TMEM163: variants seen among roughly 807,000 people sequenced by gnomAD.
TMEM163 encodes the protein transmembrane protein 163.
Under a neutral mutation model 29.3 loss-of-function variants are expected in TMEM163, and 17 were observed. That is an observed-to-expected ratio of 0.58 (90% CI 0.40 to 0.87). The LOEUF (loss-of-function observed/expected upper bound fraction) is 0.87, where lower values mean the gene tolerates loss of function less well. Among genes scored for constraint, TMEM163 ranks in the 40% least tolerant of loss-of-function variants. The pLI is 0.00. For missense variants in TMEM163, 303 were observed against 381.5 expected (o/e 0.79, Z 1.71); for synonymous variants, 157 against 160.6 (o/e 0.98, Z 0.17).
intron 2 of TMEM163, among the ~76,000 whole-genome samples, chr2:134,598,839 G>T (rs112045209): frequency 0.043 from 6,494 of 151,388 alleles, 478 homozygotes; most frequent in African/African-American, 0.15. Context: ...ATAATTGCTT[G>T]AACCTGGGAG....
intron 5 of TMEM163, among the ~76,000 whole-genome samples, chr2:134,473,248 G>A (rs756832847): frequency 1.3e-5 from 2 of 152,134 alleles, no homozygotes; most frequent in African/African-American, 2.4e-5. Context: ...AGAAATCAAT[G>A]AGACAGACCA....
In TMEM163 at chr2:134,465,243, TACACAC is replaced by T. The variant is rs1319535040; in HGVS notation, c.667+865_667+870del. On this transcript the variant is annotated intron_variant, in intron 6 of 7. Transcript: ENST00000281924. ...AAATATATATATATACACACACACA[TACACAC>T]ACACGTGTGTATAACATAAAACATG... is the stretch of plus-strand genomic sequence containing the variant. 7.8e-5 allele frequency among the ~76,000 whole-genome samples: 11 copies of T among 141,354 alleles called. No homozygotes were observed. In the South Asian group the frequency reaches 2.2e-3, roughly 28 times the overall value. 92.7% of individuals were successfully genotyped at this position (141,354 alleles called of 152,430 possible).
chr2:134,572,627 A>G (rs1681458718), intron 2 of TMEM163, among the ~76,000 whole-genome samples: 1 of 152,196 alleles, frequency 6.6e-6, no homozygotes, highest in African/African-American at 2.4e-5. Flanking sequence ...TCCATCATCA[A>G]TAGGTCTAAA....
intron 2 of TMEM163, among the ~76,000 whole-genome samples, chr2:134,636,223 C>G (rs1372997363): frequency 1.3e-5 from 2 of 152,226 alleles, no homozygotes; most frequent in Non-Finnish European, 1.5e-5. Flanking sequence ...CATCACTGGG[C>G]TCAGGCTGGC....
chr2:134,529,911 C>T (rs1680383283), intron 4 of TMEM163, among the ~76,000 whole-genome samples: 1 of 151,828 alleles, frequency 6.6e-6, no homozygotes, highest in African/African-American at 2.4e-5. Flanking sequence ...AAGCTGGAGG[C>T]GTGGAAGGCT....
At position 134,678,057 on chromosome 2, in the gene TMEM163, C is replaced by T. The variant is rs368604090; in HGVS notation, c.322+35143G>A. ...TGCACTCTTTGTCCTGGTTTCTTTC[C>T]GGTCTCAGGGAAGCAGATCGACCCT... is the stretch of plus-strand genomic sequence containing the variant. On this transcript the variant is annotated intron_variant, in intron 2 of 7. Transcript: ENST00000281924. Among the ~76,000 whole-genome samples, 52 of 152,324 alleles carry T rather than the reference C, an allele frequency of 3.4e-4. No individual in the cohort carries two copies. In the South Asian group the frequency reaches 8.1e-3, roughly 24 times the overall value.
intron 5 of TMEM163, among the ~76,000 whole-genome samples, chr2:134,476,585 T>C (rs1686917332): frequency 6.6e-6 from 1 of 152,214 alleles, no homozygotes; most frequent in Non-Finnish European, 1.5e-5. Flanking sequence ...ATCATGTACA[T>C]AGTAATGTTC....
At chr2:134,536,629 G>A (rs1680545902) in intron 4 of TMEM163, among the ~76,000 whole-genome samples, 1 of 152,142 alleles carries the variant, frequency 6.6e-6, no homozygotes, top group Middle Eastern at 3.2e-3. Context: ...AACTGGAAGA[G>A]CGAAACCTCT....
chr2:134,712,504 A>G (rs1684947738), intron 2 of TMEM163, among the ~76,000 whole-genome samples: 1 of 152,020 alleles, frequency 6.6e-6, no homozygotes, highest in Non-Finnish European at 1.5e-5. Flanking sequence ...ACCAAGGTTG[A>G]GCTGTAACTG....
intron 2 of TMEM163, among the ~76,000 whole-genome samples, chr2:134,585,985 T>G (rs752067074): frequency 6.6e-6 from 1 of 152,186 alleles, no homozygotes; most frequent in Non-Finnish European, 1.5e-5. Context: ...GACTTAAGAC[T>G]TTTTGAAAGA....
At chr2:134,481,023 TAC>T (rs1252065127) in intron 5 of TMEM163, among the ~76,000 whole-genome samples, 1 of 152,178 alleles carries the variant, frequency 6.6e-6, no homozygotes, top group Non-Finnish European at 1.5e-5. Flanking sequence ...ACATTCTGAC[TAC>T]AATCACCATG....
rs183595128 is a variant in TMEM163 at position 134,628,502 on chromosome 2, C to T, written c.323-76411G>A. On this transcript the variant is annotated intron_variant, in intron 2 of 7. Transcript: ENST00000281924. Reference sequence around the variant, plus strand: ...CCAACAATGGGATATATGATTGACACCTAGTTTTGTTCTGAGGGACTGGAG... The same window carrying T: ...CCAACAATGGGATATATGATTGACATCTAGTTTTGTTCTGAGGGACTGGAG... 8.1e-4 allele frequency among the ~76,000 whole-genome samples: 124 copies of T among 152,344 alleles called. 1 individual carries two copies. Among genetic ancestry groups the T allele is most frequent in the Middle Eastern group, 3.4e-3 (1 of 294 alleles).
At chr2:134,535,725 T>G (rs202192682) in intron 4 of TMEM163, among the ~76,000 whole-genome samples, 3,110 of 145,980 alleles carry the variant, frequency 0.021, 53 homozygotes, top group South Asian at 0.04. Context: ...TGGTTTTTTT[T>G]TTTGTTTGTT....
At chr2:134,626,320 G>C (rs1269561107) in intron 2 of TMEM163, among the ~76,000 whole-genome samples, 2 of 151,970 alleles carry the variant, frequency 1.3e-5, no homozygotes, top group African/African-American at 2.4e-5. Flanking sequence ...GGCCAGGCTG[G>C]TCTCGAACTC....
intron 2 of TMEM163, among the ~76,000 whole-genome samples, chr2:134,697,555 C>T (rs1684609612): frequency 6.6e-6 from 1 of 151,534 alleles, no homozygotes; most frequent in African/African-American, 2.4e-5. Context: ...ACCTCCGCCT[C>T]CCGGGTTCAA....
chr2:134,457,426 C>T (rs941151917), intron 7 of TMEM163, among the ~76,000 whole-genome samples: 1 of 152,186 alleles, frequency 6.6e-6, no homozygotes, highest in Non-Finnish European at 1.5e-5. Context: ...GCAGTTGTCC[C>T]TCTTTTTGAT....
chr2:134,496,872 G>A (rs775313928), intron 5 of TMEM163, among the ~76,000 whole-genome samples: 9 of 151,772 alleles, frequency 5.9e-5, no homozygotes, highest in South Asian at 4.2e-4. Flanking sequence ...AGACTTCCAC[G>A]TAAACAGGAC....
At chr2:134,641,705 T>G (rs990281064) in intron 2 of TMEM163, among the ~76,000 whole-genome samples, 18 of 152,094 alleles carry the variant, frequency 1.2e-4, no homozygotes, top group Admixed American at 1.2e-3. Context: ...AAATAGATAA[T>G]TAAATGGTAT....
intron 2 of TMEM163, among the ~76,000 whole-genome samples, chr2:134,700,942 A>ATAAATAAATAAATAAATAAATAAATAAT (rs61311028): frequency 8.4e-6 from 1 of 119,304 alleles, no homozygotes; most frequent in African/African-American, 3.4e-5. Flanking sequence ...AAATAAATAA[A>ATAAATAAATAAATAAATAAATAAATAAT]TAAATAAAGT....
Sources: gnomAD v4.1 joint callset for allele counts (sites outside exome capture counted in the v4.1 genomes callset) on GRCh38, gnomAD v4.1.1 for gene constraint, MANE v1.5 for transcripts, NCBI Gene and HGNC (gene_info 2026-07-23, HGNC 2026-07-21) for gene names.